The following NLRP7 variants were observed in gnomAD, a reference collection of about 807,000 sequenced individuals.
The protein encoded by NLRP7 is NACHT, LRR and PYD domains-containing protein 7.
NLRP7 carries 72 observed loss-of-function variants against 85.5 expected under a neutral mutation model. The ratio of observed to expected loss-of-function variants is 0.84; its 90% confidence interval spans 0.70 to 1.02. The LOEUF (loss-of-function observed/expected upper bound fraction) is 1.02. NLRP7 is among the 50% of genes least tolerant of loss of function. The pLI, the probability that NLRP7 is intolerant of heterozygous loss-of-function variation, is 0.00. For synonymous variants in NLRP7, 550 were observed against 505.2 expected, an observed-to-expected ratio of 1.09 and a Z score of -1.19; for missense variants, 1,243 against 1,219.5, an observed-to-expected ratio of 1.02 and a Z score of -0.29.
exon 1 of NLRP7, chr19:54,966,157 C>G (rs921976069): frequency 1.3e-4 from 19 of 151,544 alleles, no homozygotes; most frequent in African/African-American, 4.6e-4. Context: ...TCTGGGCAGT[C>G]CCAGTGTAAC....
At chr19:54,947,564 G>A, upstream of NLRP7, 1 of 1,289,676 alleles carries the variant, frequency 7.8e-7, no homozygotes, top group Admixed American at 2.3e-5. Flanking sequence ...TAGGTGGAGA[G>A]ACAGCTTTCC....
intron 1 of NLRP7, among the ~76,000 whole-genome samples, chr19:54,944,592 CT>C (rs1172632954): frequency 4.6e-5 from 7 of 151,936 alleles, no homozygotes; most frequent in Non-Finnish European, 1.0e-4. Context: ...CTCTGTGTCT[CT>C]TTCTTTTCTC....
chr19:54,945,554 G>C (rs2069432347), intron 1 of NLRP7, among the ~76,000 whole-genome samples: 1 of 151,786 alleles, frequency 6.6e-6, no homozygotes, highest in Non-Finnish European at 1.5e-5. Flanking sequence ...ACAGGTATGA[G>C]CCACCAGGCC....
exon 4 of NLRP7, chr19:54,940,314 G>C: frequency 6.2e-7 from 1 of 1,614,238 alleles, no homozygotes. Context: ...TAAGGTGTTA[G>C]CTTCCTGGGT....
chr19:54,933,026 A>G (rs1434896250), intron 8 of NLRP7, among the ~76,000 whole-genome samples: 1 of 152,196 alleles, frequency 6.6e-6, no homozygotes, highest in African/African-American at 2.4e-5. Context: ...TTGAAAGAAC[A>G]CACACAAAGC....
intron 9 of NLRP7, among the ~76,000 whole-genome samples, chr19:54,928,704 G>A (rs1250740684): frequency 6.6e-6 from 1 of 152,144 alleles, no homozygotes; most frequent in Non-Finnish European, 1.5e-5. Context: ...AGGGAATCTT[G>A]TAAATAAAAT....
intron 9 of NLRP7, among the ~76,000 whole-genome samples, chr19:54,926,685 G>C (rs2068450920): frequency 1.3e-5 from 2 of 152,044 alleles, no homozygotes; most frequent in South Asian, 4.1e-4. Context: ...GGAGGCCAAG[G>C]CGAGAAGATC....
chr19:54,963,908 T>A (rs1442219651), intron 1 of NLRP7, among the ~76,000 whole-genome samples: 1 of 144,148 alleles, frequency 6.9e-6, no homozygotes, highest in African/African-American at 2.6e-5. Context: ...TGAGACGGAG[T>A]CTCACTCTGT....
chr19:54,934,477 G>A lies in NLRP7; in HGVS notation c.2471+12C>T, dbSNP rs916130180. The A allele has an allele frequency of 1.2e-6, 2 of 1,613,966 alleles. No homozygotes were observed. Among genetic ancestry groups the A allele is most frequent in the Non-Finnish European group, 8.5e-7 (1 of 1,179,808 alleles). On this transcript the variant is annotated intron_variant, in intron 7 of 9. Transcript: ENST00000340844. The surrounding 1 kb of genome is among the most constrained non-coding windows in gnomAD (Gnocchi z 6.7). ...ACTAAACCAGAGCTGCCCATGGGAA[G>A]AGGAGACTTACGACAACATCTGCAG...
At chr19:54,925,954 C>T (rs1026395524) in intron 9 of NLRP7, among the ~76,000 whole-genome samples, 22 of 151,226 alleles carry the variant, frequency 1.5e-4, no homozygotes, top group Admixed American at 1.3e-3. Flanking sequence ...GAGCCGAGAT[C>T]GCACCGCTTC....
At chr19:54,923,988 G>T in intron 9 of NLRP7, 116 bp from the exon 11 acceptor site, 2 of 1,146,846 alleles carry the variant, frequency 1.7e-6, no homozygotes, top group Non-Finnish European at 2.6e-6. Flanking sequence ...TTTTCTGGGG[G>T]ACAGGGTCTT....
upstream of NLRP7, chr19:54,947,761 A>C: frequency 1.3e-6 from 1 of 778,192 alleles, no homozygotes; most frequent in Non-Finnish European, 1.9e-6. Flanking sequence ...TTCCCTTCCT[A>C]GACCACCCGG....
At chr19:54,963,525 T>TA (rs527597337) in intron 1 of NLRP7, among the ~76,000 whole-genome samples, 389 of 151,650 alleles carry the variant, frequency 2.6e-3, no homozygotes, top group Non-Finnish European at 4.8e-3. Context: ...CCATCTCTAC[T>TA]AAAAATACAA....
intron 1 of NLRP7, among the ~76,000 whole-genome samples, chr19:54,956,781 C>T (rs902979924): frequency 6.6e-6 from 1 of 151,352 alleles, no homozygotes; most frequent in African/African-American, 2.4e-5. Context: ...TGACACCCAA[C>T]ACCACGCCTT....
At chr19:54,932,839 T>C (rs1181078357) in intron 8 of NLRP7, among the ~76,000 whole-genome samples, 1 of 152,000 alleles carries the variant, frequency 6.6e-6, no homozygotes, top group Non-Finnish European at 1.5e-5. Context: ...TATTTTTTAG[T>C]AGCGATGGGT....
Position 54,939,648 on chromosome 19 carries a change from T to C in NLRP7, c.1171A>G (p.Thr391Ala), listed in dbSNP as rs199475827. The C allele has an allele frequency of 9.9e-6, 16 of 1,611,618 alleles. No homozygotes were observed. The African/African-American group carries it at 2.0e-4, about 20-fold the overall frequency. ...CAGAGGAAACGCAGGAACAGCCCCG[T>C]GCGGGTGAGGCAGGTGGGGACCGGG... The change falls in exon 4 of 10, where the codon ACG becomes GCG. Residue 391 changes from threonine (T) to alanine (A), a missense_variant. Around this residue, in one of 3 missense-constraint regions of NLRP7, gnomAD observed 591 missense variants for 563.3 expected, o/e 1.05. Transcript: ENST00000340844.
In NLRP7 at chr19:54,963,689, T is replaced by C. The variant is rs186412086; in HGVS notation, c.-77+2351A>G. 6.1e-4 allele frequency among the ~76,000 whole-genome samples: 92 copies of C among 151,614 alleles called. 2 individuals are homozygous for C. The highest frequency in any genetic ancestry group is 2.0e-3 in the African/African-American group (81 of 41,400). On this transcript the variant is annotated intron_variant, in intron 1 of 2. Coordinates refer to the NLRP7 transcript ENST00000587103. Reference sequence around the variant, plus strand: ...AAATAAGAAAATTAGCCGGGTACAGTGGCACGCGCCTGTAATCCCAGCTAT... The same window carrying C: ...AAATAAGAAAATTAGCCGGGTACAGCGGCACGCGCCTGTAATCCCAGCTAT...
In NLRP7 at chr19:54,940,480, C is replaced by A; in HGVS notation, c.353-14G>T. 6.2e-7 allele frequency: 1 copy of A among 1,613,072 alleles called. No homozygotes were observed. Reference sequence around the variant, plus strand: ...CTTCCTTTTCACCTGCAGTGACAGCCCATAGGACAGTTGAGGTTGATGATG... The same window carrying A: ...CTTCCTTTTCACCTGCAGTGACAGCACATAGGACAGTTGAGGTTGATGATG... On this transcript the variant is annotated splice_polypyrimidine_tract_variant and intron_variant, in intron 3 of 9. Transcript: ENST00000340844.
intron 1 of NLRP7, among the ~76,000 whole-genome samples, chr19:54,957,315 C>T (rs73055298): frequency 4.1e-4 from 61 of 150,294 alleles, no homozygotes; most frequent in African/African-American, 1.4e-3. Context: ...GCCACTGGGA[C>T]GGACACCCCT....
Sources: allele counts gnomAD v4.1 joint callset (sites outside exome capture counted in the v4.1 genomes callset), GRCh38; gene constraint gnomAD v4.1.1; regional missense constraint gnomAD v4.1.1; non-coding constraint Gnocchi (gnomAD v3.1); transcripts MANE v1.5; gene names NCBI Gene and HGNC (gene_info 2026-07-23, HGNC 2026-07-21).